The following BRINP3 variants were observed in gnomAD, a reference collection of about 807,000 sequenced individuals.
The protein encoded by BRINP3 is BMP/retinoic acid inducible neural specific 3.
A neutral mutation model predicts 71.0 loss-of-function variants in BRINP3; 19 were observed. That is an observed-to-expected ratio of 0.27 (90% CI 0.19 to 0.39). The LOEUF is 0.39. Among genes scored for constraint, BRINP3 ranks in the 10% least tolerant of loss-of-function variants. The probability of loss-of-function intolerance (pLI) is 1.00; values close to 1 mark genes in which losing one functional copy is unlikely to be tolerated. For synonymous variants in BRINP3, 380 were observed against 337.7 expected, an observed-to-expected ratio of 1.13 and a Z score of -1.37; for missense variants, 959 against 940.8, an observed-to-expected ratio of 1.02 and a Z score of -0.25.
chr1:190,439,406 G>T (rs920867171), intron 2 of BRINP3, among the ~76,000 whole-genome samples: 1 of 151,728 alleles, frequency 6.6e-6, no homozygotes, highest in African/African-American at 2.4e-5. Flanking sequence ...TAACAAAAGC[G>T]TGGCATAAGA....
chr1:190,386,428 A>G (rs886229286), intron 2 of BRINP3, among the ~76,000 whole-genome samples: 1 of 151,712 alleles, frequency 6.6e-6, no homozygotes, highest in Non-Finnish European at 1.5e-5. Flanking sequence ...AAAAAAATGT[A>G]TATATTAATA....
Position 190,315,631 on chromosome 1 carries a change from ATGT to A in BRINP3, c.237-33884_237-33882del, listed in dbSNP as rs536439288. On this transcript the variant is annotated intron_variant, in intron 2 of 7. Coordinates refer to ENST00000367462, the MANE Select transcript of BRINP3 (RefSeq NM_199051.3). ...GGCTATCATCTGTCTGGGCTGGAAA[ATGT>A]TGTTGCTTTAAGTTCATTCATTGAT... 6.6e-5 allele frequency among the ~76,000 whole-genome samples: 10 copies of A among 152,234 alleles called. No individual in the cohort carries two copies. In the East Asian group the frequency reaches 1.9e-3, roughly 29 times the overall value.
At chr1:190,199,771 G>GAA (rs35752025) in intron 6 of BRINP3, among the ~76,000 whole-genome samples, 27,201 of 122,960 alleles carry the variant, frequency 0.22, 2,838 homozygotes, top group Middle Eastern at 0.3. Context: ...CAAGGCATAG[G>GAA]AAAAAAAAAA....
chr1:190,097,869 C>G lies in BRINP3; in HGVS notation c.*149G>C. 1 of 840,288 alleles carries G rather than the reference C, an allele frequency of 1.2e-6. No homozygotes were observed. The highest frequency in any genetic ancestry group is 1.8e-6 in the Non-Finnish European group (1 of 545,986). The allele number at this position is 840,288 out of a possible 1,614,324, so 52.1% of individuals were successfully genotyped here. ...ATAATATATTCATTGTCAGCAAGTT[C>G]ATGTGTGTAAATTGCCATCCAATGT... On this transcript the variant is annotated 3_prime_UTR_variant, in exon 8 of 8. Transcript: ENST00000367462.
chr1:190,440,954 T>C lies in BRINP3; in HGVS notation c.236+13701A>G, dbSNP rs546217215. 1.4e-4 allele frequency among the ~76,000 whole-genome samples: 21 copies of C among 152,094 alleles called. 2 individuals are homozygous for C. The South Asian group carries it at 4.3e-3, about 32-fold the overall frequency. On this transcript the variant is annotated intron_variant, in intron 2 of 7. Transcript: ENST00000367462. Reference sequence around the variant, plus strand: ...TATACAAAAAAGAAAAGGAGGGTCCTAGATTGTATTTTTATAGGCTTTAAA... The same window carrying C: ...TATACAAAAAAGAAAAGGAGGGTCCCAGATTGTATTTTTATAGGCTTTAAA...
At chr1:190,173,931 T>A (rs2488478) in intron 6 of BRINP3, among the ~76,000 whole-genome samples, 1 of 151,840 alleles carries the variant, frequency 6.6e-6, no homozygotes, top group Non-Finnish European at 1.5e-5. Context: ...ACCATGTAGA[T>A]TCTAGACCTG....
rs542854349 is a variant in BRINP3 at position 190,123,462 on chromosome 1, T to G, written c.1185-24328A>C. Among the ~76,000 whole-genome samples the G allele has an allele frequency of 4.1e-4, 62 of 152,184 alleles. 1 individual carries two copies. In the South Asian group the frequency reaches 0.013, roughly 31 times the overall value. Reference sequence around the variant, plus strand: ...GGTAAAATCTCAGAATTCTGAACAGTTTTTGAGACTTCCTTTCTATCCATT... The same window carrying G: ...GGTAAAATCTCAGAATTCTGAACAGGTTTTGAGACTTCCTTTCTATCCATT... On this transcript the variant is annotated intron_variant, in intron 7 of 7. Coordinates refer to ENST00000367462, the MANE Select transcript of BRINP3 (RefSeq NM_199051.3).
intron 4 of BRINP3, among the ~76,000 whole-genome samples, chr1:190,238,408 TA>T (rs1460103172): frequency 2.0e-5 from 3 of 152,080 alleles, no homozygotes; most frequent in African/African-American, 7.2e-5. Context: ...GCAATTCATA[TA>T]TACAGCAAAT....
At chr1:190,471,972 C>A (rs1677166274) in intron 1 of BRINP3, among the ~76,000 whole-genome samples, 1 of 150,936 alleles carries the variant, frequency 6.6e-6, no homozygotes, top group East Asian at 1.9e-4. Flanking sequence ...CATTTGACAC[C>A]ATAACACCAC....
intron 6 of BRINP3, among the ~76,000 whole-genome samples, chr1:190,187,106 T>C (rs1653598757): frequency 6.6e-6 from 1 of 152,178 alleles, no homozygotes; most frequent in African/African-American, 2.4e-5. Flanking sequence ...TATATGTATT[T>C]GGATTTCCCT....
intron 7 of BRINP3, among the ~76,000 whole-genome samples, chr1:190,132,099 G>C (rs1654593979): frequency 1.3e-5 from 2 of 151,920 alleles, no homozygotes; most frequent in South Asian, 4.2e-4. Flanking sequence ...GGAATACTCA[G>C]GACCTATGTA....
At chr1:190,194,407 T>C (rs1350507737) in intron 6 of BRINP3, among the ~76,000 whole-genome samples, 1 of 151,870 alleles carries the variant, frequency 6.6e-6, no homozygotes, top group East Asian at 1.9e-4. Context: ...CTAGGACACA[T>C]AGACTGATCA....
At chr1:190,124,347 T>C (rs901617347) in intron 7 of BRINP3, among the ~76,000 whole-genome samples, 1 of 152,174 alleles carries the variant, frequency 6.6e-6, no homozygotes, top group African/African-American at 2.4e-5. Flanking sequence ...TGGCTTCCGG[T>C]GAGAAATAAA....
chr1:190,420,427 C>T (rs1673299257), intron 2 of BRINP3, among the ~76,000 whole-genome samples: 1 of 151,862 alleles, frequency 6.6e-6, no homozygotes, highest in Admixed American at 6.6e-5. Context: ...GACTTTCCAC[C>T]ATCATCAGAG....
At position 190,098,549 on chromosome 1, in the gene BRINP3, T is replaced by C. The variant is rs374923227; in HGVS notation, c.1770A>G (p.Glu590=). Residue 590 remains glutamate (E), a synonymous_variant, in exon 8 of 8, where the codon GAA becomes GAG. Coordinates refer to ENST00000367462, the MANE Select transcript of BRINP3 (RefSeq NM_199051.3). ...HSESWFMPVN[E]NSFPDWERTK... The stretch of plus-strand genomic sequence containing the variant: ...TCCGCTCCCAGTCTGGAAAGCTGTT[T>C]TCATTCACAGGCATAAACCAGCTCT... The C allele has an allele frequency of 1.4e-4, 232 of 1,614,160 alleles. No homozygotes were observed. Among genetic ancestry groups the C allele is most frequent in the East Asian group, 2.5e-4 (11 of 44,872 alleles).
intron 2 of BRINP3, among the ~76,000 whole-genome samples, chr1:190,292,010 G>A (rs1221610054): frequency 6.6e-6 from 1 of 152,094 alleles, no homozygotes; most frequent in Non-Finnish European, 1.5e-5. Context: ...TGAACCTGGA[G>A]GAGAGGACAT....
intron 6 of BRINP3, among the ~76,000 whole-genome samples, chr1:190,189,753 A>G (rs1165538540): frequency 2.0e-5 from 3 of 152,086 alleles, no homozygotes; most frequent in African/African-American, 7.2e-5. Flanking sequence ...ATTTATAATT[A>G]CCATTTCTTT....
At chr1:190,290,068 G>A (rs535570887) in intron 2 of BRINP3, among the ~76,000 whole-genome samples, 12 of 151,954 alleles carry the variant, frequency 7.9e-5, no homozygotes, top group South Asian at 2.1e-4. Context: ...AAAAGAATGA[G>A]GTTTCCTACT....
At chr1:190,117,604 C>T (rs12117371) in intron 7 of BRINP3, among the ~76,000 whole-genome samples, 3,373 of 151,992 alleles carry the variant, frequency 0.022, 44 homozygotes, top group East Asian at 0.055. Context: ...AGTAATTTCA[C>T]CTTTAAATAT....
Sources: gnomAD v4.1 joint callset for allele counts (sites outside exome capture counted in the v4.1 genomes callset) on GRCh38, gnomAD v4.1.1 for gene constraint, MANE v1.5 for transcripts, NCBI Gene and HGNC (gene_info 2026-07-23, HGNC 2026-07-21) for gene names.